Variants in VPS13B observed in about 807,000 individuals in gnomAD.
The protein encoded by VPS13B is vacuolar protein sorting 13 homolog B.
In VPS13B, 285 loss-of-function variants were observed where a neutral mutation model predicts 426.4. That is an observed-to-expected ratio of 0.67 (90% CI 0.61 to 0.74). The LOEUF is 0.74. Ranked by LOEUF, VPS13B falls within the 30% of genes least tolerant of loss-of-function variation. VPS13B has a pLI of 0.00. For missense variants in VPS13B, 4,537 were observed against 4,782.6 expected, an observed-to-expected ratio of 0.95 and a Z score of 1.51; for synonymous variants, 1,676 against 1,676.4, an observed-to-expected ratio of 1.00 and a Z score of 0.01.
At chr8:99,386,364 G>A (rs1313520260) in intron 20 of VPS13B, among the ~76,000 whole-genome samples, 1 of 152,074 alleles carries the variant, frequency 6.6e-6, no homozygotes, top group African/African-American at 2.4e-5. Context: ...GCATCATTAG[G>A]CAATTTTGTT....
intron 19 of VPS13B, chr8:99,346,233 A>T (rs554600983): frequency 2.6e-5 from 4 of 152,116 alleles, no homozygotes; most frequent in Non-Finnish European, 5.9e-5. Context: ...GGATGATGAG[A>T]TTACACGCAG....
At chr8:99,166,330 G>A (rs56056102) in intron 15 of VPS13B, among the ~76,000 whole-genome samples, 1 of 152,098 alleles carries the variant, frequency 6.6e-6, no homozygotes, top group African/African-American at 2.4e-5. Context: ...TCTTTTTGGA[G>A]GGACAACATT....
intron 34 of VPS13B, among the ~76,000 whole-genome samples, chr8:99,648,074 G>A (rs974564791): frequency 6.6e-6 from 1 of 152,108 alleles, no homozygotes; most frequent in Non-Finnish European, 1.5e-5. Context: ...TATTACTTCA[G>A]AAGAACATCT....
At chr8:99,163,410 C>T (rs1369628123) in intron 15 of VPS13B, among the ~76,000 whole-genome samples, 1 of 152,222 alleles carries the variant, frequency 6.6e-6, no homozygotes, top group African/African-American at 2.4e-5. Flanking sequence ...ATTCCTCAGC[C>T]CTTGGGTGGT....
At chr8:99,074,311 A>G (rs1007658977) in intron 3 of VPS13B, among the ~76,000 whole-genome samples, 3 of 152,020 alleles carry the variant, frequency 2.0e-5, no homozygotes, top group African/African-American at 7.3e-5. Context: ...CAATTAGATG[A>G]TCATATGGTT....
intron 17 of VPS13B, among the ~76,000 whole-genome samples, chr8:99,254,085 CTTAAGA>C (rs1215890213): frequency 1.4e-4 from 22 of 152,088 alleles, no homozygotes; most frequent in Non-Finnish European, 3.1e-4. Context: ...GTTTAGAAAA[CTTAAGA>C]GGAGACAGAA....
chr8:99,554,198 C>T (rs572902479), intron 30 of VPS13B, among the ~76,000 whole-genome samples: 1 of 151,988 alleles, frequency 6.6e-6, no homozygotes, highest in Non-Finnish European at 1.5e-5. Context: ...TAATATAGCA[C>T]TAATTTTGTT....
chr8:99,311,781 C>T (rs561124225), intron 19 of VPS13B, among the ~76,000 whole-genome samples: 34 of 152,232 alleles, frequency 2.2e-4, no homozygotes, highest in Non-Finnish European at 4.4e-4. Flanking sequence ...GTTATAGTCT[C>T]CCATTATTAT....
intron 17 of VPS13B, among the ~76,000 whole-genome samples, chr8:99,194,592 A>G (rs1178393834): frequency 6.6e-6 from 1 of 152,222 alleles, no homozygotes; most frequent in Admixed American, 6.5e-5. Flanking sequence ...CTTAAACGAC[A>G]GAATTTCCTT....
At chr8:99,395,336 G>A (rs1814670963) in intron 21 of VPS13B, among the ~76,000 whole-genome samples, 1 of 152,184 alleles carries the variant, frequency 6.6e-6, no homozygotes, top group Non-Finnish European at 1.5e-5. Context: ...TGAATGCATG[G>A]CGATGAGACC....
At chr8:99,465,617 A>T (rs1201900221) in intron 23 of VPS13B, among the ~76,000 whole-genome samples, 1 of 152,126 alleles carries the variant, frequency 6.6e-6, no homozygotes, top group East Asian at 1.9e-4. Context: ...AAATATATAT[A>T]GCTCACTACC....
chr8:99,575,746 T>C lies in VPS13B; in HGVS notation c.5038T>C (p.Phe1680Leu), dbSNP rs1181513199. Residue 1680 changes from phenylalanine (F) to leucine (L), a missense_variant, in exon 32 of 62, where the codon TTC (phenylalanine) becomes CTC (leucine). By Grantham distance (22) the Phe-to-Leu change is conservative. Transcript: ENST00000357162. Reference protein sequence around the residue: ...VRITGAPAVIFTKVVSPENLH... With the variant: ...VRITGAPAVILTKVVSPENLH... ...AATAACTGGAGCACCTGCTGTCATT[T>C]TCACCAAAGTAGTTTCTCCAGAAAA... 6.2e-7 allele frequency: 1 copy of C among 1,613,860 alleles called. No homozygotes were observed. Among genetic ancestry groups the C allele is most frequent in the Non-Finnish European group, 8.5e-7 (1 of 1,179,898 alleles).
chr8:99,828,655 T>A (rs1814869252), intron 51 of VPS13B, among the ~76,000 whole-genome samples: 1 of 152,072 alleles, frequency 6.6e-6, no homozygotes, highest in African/African-American at 2.4e-5. Context: ...GCTAGTTGGT[T>A]ATTTTGCCCA....
At position 99,614,151 on chromosome 8, in the gene VPS13B, AAC is replaced by A. The variant is rs144576336; in HGVS notation, c.5221-27656_5221-27655del. On this transcript the variant is annotated intron_variant, in intron 33 of 61. Coordinates refer to ENST00000357162, the MANE Select transcript of VPS13B (RefSeq NM_152564.5). ...AAATTAAATGACAAATTCAAGGGCA[AAC>A]ACAGATTTACATTCAGAGATTACTG... 7.9e-5 allele frequency: 12 copies of A among 152,268 alleles called. No homozygotes were observed. The East Asian group carries it at 2.3e-3, about 29-fold the overall frequency. The allele number at this position is 152,268 out of a possible 1,614,324, so 9.4% of individuals were successfully genotyped here. A position where few individuals can be genotyped will look rare whatever the true frequency, so the allele number is the denominator to read the frequency against.
chr8:99,397,773 A>G (rs1013984225), intron 21 of VPS13B, among the ~76,000 whole-genome samples: 10 of 152,340 alleles, frequency 6.6e-5, no homozygotes, highest in Admixed American at 3.9e-4. Flanking sequence ...AAATGAGTAC[A>G]GTGAAAGAAA....
At chr8:99,786,148 A>G (rs549873866) in intron 43 of VPS13B, among the ~76,000 whole-genome samples, 2 of 152,208 alleles carry the variant, frequency 1.3e-5, no homozygotes, top group South Asian at 4.1e-4. Flanking sequence ...TGCTATAGAC[A>G]TACAGTTTCT....
In VPS13B at chr8:99,134,828, A is replaced by G; in HGVS notation, c.1302+101A>G. ...ATGTAGTGTATTTAAAAATACAAGT[A>G]AGATGTTTGTTTCTTATTTTAATAG... On this transcript the variant is annotated intron_variant, in intron 9 of 61. Transcript: ENST00000357162. The G allele has an allele frequency of 2.5e-6, 3 of 1,200,456 alleles. No homozygotes were observed. In the South Asian group the frequency reaches 4.3e-5, roughly 17 times the overall value. 74.4% of individuals were successfully genotyped at this position (1,200,456 alleles called of 1,614,324 possible).
intron 17 of VPS13B, among the ~76,000 whole-genome samples, chr8:99,267,438 A>T (rs1324321126): frequency 1.3e-5 from 2 of 152,148 alleles, no homozygotes; most frequent in African/African-American, 4.8e-5. Context: ...GCGATAGAAA[A>T]GAAAAACCCG....
chr8:99,374,030 A>G (rs1463684514), intron 19 of VPS13B, among the ~76,000 whole-genome samples: 1 of 152,136 alleles, frequency 6.6e-6, no homozygotes, highest in Non-Finnish European at 1.5e-5. Context: ...TTCATCTTTG[A>G]AGGACATTTT....
Sources: gnomAD v4.1 joint callset for allele counts (sites outside exome capture counted in the v4.1 genomes callset) on GRCh38, gnomAD v4.1.1 for gene constraint, MANE v1.5 for transcripts, NCBI Gene and HGNC (gene_info 2026-07-23, HGNC 2026-07-21) for gene names.